The following PTPRU variants were observed in gnomAD, a reference collection of about 807,000 sequenced individuals.
PTPRU encodes protein tyrosine phosphatase receptor type U.
Under a neutral mutation model 166.3 loss-of-function variants are expected in PTPRU, and 69 were observed. That is an observed-to-expected ratio of 0.41 (90% CI 0.34 to 0.51). The LOEUF is 0.51. PTPRU is among the 20% of genes least tolerant of loss of function. The pLI is 0.09. For synonymous variants in PTPRU, 793 were observed against 814.0 expected (o/e 0.97, Z 0.44); for missense variants, 1,657 against 2,013.7 (o/e 0.82, Z 3.39).
chr1:29,297,691 C>T (rs886929384), intron 15 of PTPRU, among the ~76,000 whole-genome samples: 1 of 152,144 alleles, frequency 6.6e-6, no homozygotes, highest in African/African-American at 2.4e-5. Flanking sequence ...GTGGTGTGGG[C>T]TCATGCCTAA....
chr1:29,282,028 T>C (rs913802172), intron 11 of PTPRU, among the ~76,000 whole-genome samples: 1 of 152,204 alleles, frequency 6.6e-6, no homozygotes, highest in African/African-American at 2.4e-5. Flanking sequence ...GTCAGGATCC[T>C]GAAACAGCAG....
chr1:29,256,184 C>T (rs1488943551), intron 2 of PTPRU, among the ~76,000 whole-genome samples: 1 of 152,126 alleles, frequency 6.6e-6, no homozygotes, highest in Non-Finnish European at 1.5e-5. Context: ...ACAGGGGTGG[C>T]ATGCAGGGGT....
intron 7 of PTPRU, among the ~76,000 whole-genome samples, chr1:29,267,245 C>T (rs1471255547): frequency 6.6e-6 from 1 of 152,014 alleles, no homozygotes; most frequent in Non-Finnish European, 1.5e-5. Context: ...AACAAACCAG[C>T]AATACAAAAA....
intron 15 of PTPRU, among the ~76,000 whole-genome samples, chr1:29,296,224 T>C (rs1462802902): frequency 6.6e-6 from 1 of 152,246 alleles, no homozygotes; most frequent in African/African-American, 2.4e-5. Context: ...TTAACAGGAA[T>C]GTTTCTAACA....
intron 15 of PTPRU, among the ~76,000 whole-genome samples, chr1:29,302,448 C>A (rs1372839604): frequency 1.3e-5 from 2 of 152,202 alleles, no homozygotes; most frequent in Non-Finnish European, 2.9e-5. Flanking sequence ...CCTAGGCCTT[C>A]ATATTCACTT....
Position 29,260,113 on chromosome 1 carries a change from GCTCTGC to G in PTPRU, c.850+71_850+76del. 7.6e-7 allele frequency: 1 copy of G among 1,320,532 alleles called. No homozygotes were observed. The highest frequency in any genetic ancestry group is 9.7e-7 in the Non-Finnish European group (1 of 1,033,416). 81.8% of individuals were successfully genotyped at this position (1,320,532 alleles called of 1,614,324 possible). A position where few individuals can be genotyped will look rare whatever the true frequency, so the allele number is the denominator to read the frequency against. On this transcript the variant is annotated intron_variant, in intron 6 of 29. Coordinates refer to ENST00000373779, the MANE Select transcript of PTPRU (RefSeq NM_133178.4). The surrounding 1 kb of genome is among the most constrained non-coding windows in gnomAD (Gnocchi z 8.3). ...GGGGCGGGGCCGGCGACGGGGGCGG[GCTCTGC>G]CCGGGGGCGTGGCCGTGGGGGGTGG... is the stretch of plus-strand genomic sequence containing the variant.
chr1:29,283,781 A>T, intron 12 of PTPRU, 159 bp from the exon 13 acceptor site: 1 of 807,514 alleles, frequency 1.2e-6, no homozygotes, highest in Non-Finnish European at 2.0e-6. Flanking sequence ...CCCGCTCTCA[A>T]GGGTCCCCCC....
chr1:29,258,535 A>T lies in PTPRU; in HGVS notation c.236A>T (p.His79Leu). ...TACTTGATGGTCAACACTTCCCAGCATGCCCCAGGCCAGCGAGCCCATGTC... is the reference window on the plus strand; with the variant it reads ...TACTTGATGGTCAACACTTCCCAGCTTGCCCCAGGCCAGCGAGCCCATGTC... ...GSYLMVNTSQ[H>L]APGQRAHVIF... The change falls in exon 3 of 30, where the codon CAT becomes CTT. Residue 79 changes from histidine (H) to leucine (L), a missense_variant. By Grantham distance (99) the His-to-Leu change is moderately conservative. Around this residue, in one of 3 missense-constraint regions of PTPRU, gnomAD observed 453 missense variants for 496.9 expected, o/e 0.91. Coordinates refer to ENST00000373779, the MANE Select transcript of PTPRU (RefSeq NM_133178.4). 1 of 1,614,102 alleles carries T rather than the reference A, an allele frequency of 6.2e-7. No homozygotes were observed. Among genetic ancestry groups the T allele is most frequent in the South Asian group, 1.1e-5 (1 of 91,082 alleles).
intron 2 of PTPRU, among the ~76,000 whole-genome samples, chr1:29,256,292 GA>G (rs929082761): frequency 3.3e-5 from 5 of 152,182 alleles, no homozygotes; most frequent in Non-Finnish European, 7.3e-5. Flanking sequence ...AAAAAAGAAT[GA>G]GACAAATAAA....
rs1293835942 is a variant in PTPRU at position 29,237,360 on chromosome 1, G to T, written c.73+643G>T. Among the ~76,000 whole-genome samples, 1 of 152,088 alleles carries T rather than the reference G, an allele frequency of 6.6e-6. No individual in the cohort carries two copies. Among genetic ancestry groups the T allele is most frequent in the Non-Finnish European group, 1.5e-5 (1 of 67,988 alleles). On this transcript the variant is annotated intron_variant, in intron 1 of 29. Coordinates refer to ENST00000373779, the MANE Select transcript of PTPRU (RefSeq NM_133178.4). This position sits in a 1 kb window ranked among gnomAD's most constrained non-coding sequence, Gnocchi z 6.4. ...TGGTGTGTGCTGCCGGGGGCCGCGT[G>T]GGTCCGAGTGAATGCCAAGTGTGCC...
At chr1:29,301,241 A>G (rs1348058311) in intron 15 of PTPRU, among the ~76,000 whole-genome samples, 7 of 152,202 alleles carry the variant, frequency 4.6e-5, no homozygotes, top group Non-Finnish European at 7.3e-5. Flanking sequence ...TTTGGTCAAC[A>G]ATGGACCACG....
intron 17 of PTPRU, 72 bp downstream of exon 17, chr1:29,304,921 G>A: frequency 1.4e-6 from 2 of 1,404,382 alleles, no homozygotes; most frequent in Non-Finnish European, 2.0e-6. Flanking sequence ...ACACAGCCAG[G>A]GTGAGCTGGG....
chr1:29,325,532 C>T, intron 29 of PTPRU, 67 bp from the exon 30 acceptor site: 1 of 1,541,266 alleles, frequency 6.5e-7, no homozygotes, highest in Non-Finnish European at 8.9e-7. Context: ...ACTCCCCGTT[C>T]CCCTCCCCCC....
intron 7 of PTPRU, among the ~76,000 whole-genome samples, chr1:29,274,838 G>A (rs1447681381): frequency 6.6e-6 from 1 of 151,934 alleles, no homozygotes; most frequent in African/African-American, 2.4e-5. Context: ...ATCACTTGAG[G>A]TCAGGAGTTC....
chr1:29,273,494 C>T (rs918895749), intron 7 of PTPRU, among the ~76,000 whole-genome samples: 2 of 152,182 alleles, frequency 1.3e-5, no homozygotes, highest in Non-Finnish European at 2.9e-5. Flanking sequence ...GTCTCAAACT[C>T]CTGACCTCAG....
chr1:29,295,555 T>A (rs11807903), intron 15 of PTPRU, among the ~76,000 whole-genome samples: 5,642 of 152,320 alleles, frequency 0.037, 119 homozygotes, highest in South Asian at 0.076. Flanking sequence ...GTACATCTTT[T>A]TTTAGATAGA....
In PTPRU at chr1:29,311,372, G is replaced by T; in HGVS notation, c.2858-84G>T. 1.5e-6 allele frequency: 2 copies of T among 1,363,316 alleles called. No homozygotes were observed. Among genetic ancestry groups the T allele is most frequent in the Non-Finnish European group, 2.1e-6 (2 of 969,662 alleles). 84.5% of individuals were successfully genotyped at this position (1,363,316 alleles called of 1,614,324 possible). A position where few individuals can be genotyped will look rare whatever the true frequency, so the allele number is the denominator to read the frequency against. On this transcript the variant is annotated intron_variant, in intron 19 of 29. Transcript: ENST00000373779. The surrounding 1 kb of genome is among the most constrained non-coding windows in gnomAD (Gnocchi z 4.1). Reference sequence around the variant, plus strand: ...GGCTCAGGAGGCCTCCTGGCCTGGGGTGTGGTGCTGGATGGTGCTGGATGT... The same window carrying T: ...GGCTCAGGAGGCCTCCTGGCCTGGGTTGTGGTGCTGGATGGTGCTGGATGT...
intron 7 of PTPRU, among the ~76,000 whole-genome samples, chr1:29,263,058 C>T (rs533806966): frequency 1.3e-5 from 2 of 152,310 alleles, no homozygotes; most frequent in South Asian, 4.1e-4. Flanking sequence ...GATCTCGGCT[C>T]ACTGCAACCT....
chr1:29,315,672 A>G lies in PTPRU; in HGVS notation c.3363+165A>G, dbSNP rs181507944. The stretch of plus-strand genomic sequence containing the variant: ...CGCCAACTGCATAGGGTCATCCTGA[A>G]CTGCTCCCCTGTGTTCTGTTGGGTG... On this transcript the variant is annotated intron_variant, in intron 23 of 29. Coordinates refer to ENST00000373779, the MANE Select transcript of PTPRU (RefSeq NM_133178.4). This position sits in a 1 kb window ranked among gnomAD's most constrained non-coding sequence, Gnocchi z 4.5. Among the ~76,000 whole-genome samples, 167 of 151,788 alleles carry G rather than the reference A, an allele frequency of 1.1e-3. 1 individual carries two copies. The highest frequency in any genetic ancestry group is 3.9e-3 in the African/African-American group (162 of 41,338).
Sources: allele counts gnomAD v4.1 joint callset (sites outside exome capture counted in the v4.1 genomes callset), GRCh38; gene constraint gnomAD v4.1.1; regional missense constraint gnomAD v4.1.1; non-coding constraint Gnocchi (gnomAD v3.1); transcripts MANE v1.5; gene names NCBI Gene and HGNC (gene_info 2026-07-23, HGNC 2026-07-21).